Variants in FSTL5 observed in about 807,000 individuals in gnomAD.
FSTL5 encodes the protein follistatin like 5, also known as follistatin-related protein 5.
A neutral mutation model predicts 89.1 loss-of-function variants in FSTL5; 62 were observed. That is an observed-to-expected ratio of 0.70 (90% CI 0.57 to 0.86). The LOEUF (loss-of-function observed/expected upper bound fraction) is 0.86. Among genes scored for constraint, FSTL5 ranks in the 40% least tolerant of loss-of-function variants. The pLI, the probability that FSTL5 is intolerant of heterozygous loss-of-function variation, is 0.00. For synonymous variants in FSTL5, 383 were observed against 346.2 expected, an observed-to-expected ratio of 1.11 and a Z score of -1.18; for missense variants, 1,057 against 1,001.6, an observed-to-expected ratio of 1.06 and a Z score of -0.75.
At chr4:161,960,883 G>C (rs1017016189) in intron 3 of FSTL5, among the ~76,000 whole-genome samples, 4 of 151,922 alleles carry the variant, frequency 2.6e-5, no homozygotes, top group African/African-American at 9.7e-5. Flanking sequence ...GGATTTAGAA[G>C]AGTCAAGAGC....
chr4:161,724,999 A>G (rs1407436968), intron 6 of FSTL5, among the ~76,000 whole-genome samples: 3 of 152,176 alleles, frequency 2.0e-5, no homozygotes, highest in African/African-American at 7.2e-5. Context: ...GATCGAGGCC[A>G]GCCTGGCCAA....
chr4:161,563,048 T>C (rs1732663042), intron 8 of FSTL5, among the ~76,000 whole-genome samples: 1 of 152,014 alleles, frequency 6.6e-6, no homozygotes, highest in Admixed American at 6.6e-5. Flanking sequence ...ATGTGTGGGC[T>C]ACAAGGTCAC....
At chr4:161,466,924 A>T (rs1255279575) in intron 13 of FSTL5, among the ~76,000 whole-genome samples, 1 of 152,070 alleles carries the variant, frequency 6.6e-6, no homozygotes, top group African/African-American at 2.4e-5. Context: ...TTTTAATAAT[A>T]ATATGTAATA....
intron 2 of FSTL5, among the ~76,000 whole-genome samples, chr4:162,092,648 C>T (rs1407038520): frequency 1.3e-5 from 2 of 151,798 alleles, no homozygotes; most frequent in Non-Finnish European, 2.9e-5. Flanking sequence ...ACAACTGGCA[C>T]GTAATTCAAA....
At chr4:161,649,751 T>C (rs1220843966) in intron 7 of FSTL5, among the ~76,000 whole-genome samples, 2 of 152,230 alleles carry the variant, frequency 1.3e-5, no homozygotes, top group Non-Finnish European at 2.9e-5. Flanking sequence ...CTCCCTGCTA[T>C]GATTTTTGTA....
At position 161,559,297 on chromosome 4, in the gene FSTL5, A is replaced by G. The variant is rs1023692032; in HGVS notation, c.1016-16604T>C. Among the ~76,000 whole-genome samples, 5 of 151,822 alleles carry G rather than the reference A, an allele frequency of 3.3e-5. No homozygotes were observed. The South Asian group carries it at 1.0e-3, about 31-fold the overall frequency. On this transcript the variant is annotated intron_variant, in intron 8 of 15. Transcript: ENST00000306100. Reference sequence around the variant, plus strand: ...AACTCTTAACTTTCTGATGACTCCTAAAATAACTGCTGTTTCCTTCTATTT... The same window carrying G: ...AACTCTTAACTTTCTGATGACTCCTGAAATAACTGCTGTTTCCTTCTATTT...
chr4:161,782,775 A>G (rs1384408452), intron 4 of FSTL5, among the ~76,000 whole-genome samples: 1 of 152,172 alleles, frequency 6.6e-6, no homozygotes, highest in Admixed American at 6.5e-5. Context: ...GTAATTGGCA[A>G]CTGTCTCCAA....
At chr4:161,698,952 TCAAAA>T (rs139045378) in intron 6 of FSTL5, among the ~76,000 whole-genome samples, 7 of 151,554 alleles carry the variant, frequency 4.6e-5, no homozygotes, top group South Asian at 2.1e-4. Context: ...AGACTCTGTC[TCAAAA>T]CAAAACAAAA....
rs145619491 is a variant in FSTL5, at chr4:161,430,204, GA to G, written c.1841+24799del. On this transcript the variant is annotated intron_variant, in intron 15 of 15. Coordinates refer to ENST00000306100, the MANE Select transcript of FSTL5 (RefSeq NM_020116.5). ...TTGAAAATACACAGAGGAGCAAAAA[GA>G]AAAAAAAATGAAAAGAATGAAGCAC... is the stretch of plus-strand genomic sequence containing the variant. Among the ~76,000 whole-genome samples the G allele has an allele frequency of 6.1e-5, 9 of 147,934 alleles. No homozygotes were observed. In the East Asian group the frequency reaches 8.0e-4, roughly 13 times the overall value.
chr4:162,045,698 T>G (rs1738144889), intron 2 of FSTL5, among the ~76,000 whole-genome samples: 1 of 152,100 alleles, frequency 6.6e-6, no homozygotes, highest in South Asian at 2.1e-4. Flanking sequence ...AACCTTCCAT[T>G]TATAAAAAAT....
At chr4:161,603,411 C>G (rs1328626776) in intron 7 of FSTL5, among the ~76,000 whole-genome samples, 1 of 152,116 alleles carries the variant, frequency 6.6e-6, no homozygotes, top group Non-Finnish European at 1.5e-5. Context: ...AGAGTTCTCT[C>G]TTTCTCTATT....
intron 6 of FSTL5, among the ~76,000 whole-genome samples, chr4:161,701,503 A>C (rs1383412110): frequency 6.6e-6 from 1 of 152,074 alleles, no homozygotes; most frequent in Non-Finnish European, 1.5e-5. Context: ...AACTATCTTA[A>C]TATCTGGTTA....
At chr4:161,860,421 AC>A (rs1731874335) in intron 4 of FSTL5, among the ~76,000 whole-genome samples, 1 of 152,242 alleles carries the variant, frequency 6.6e-6, no homozygotes, top group South Asian at 2.1e-4. Context: ...GTTGGGTGTT[AC>A]AACAAAAGCA....
intron 2 of FSTL5, among the ~76,000 whole-genome samples, chr4:162,084,511 T>G (rs1730230091): frequency 6.6e-6 from 1 of 152,064 alleles, no homozygotes; most frequent in Admixed American, 6.6e-5. Flanking sequence ...TAGTAAAGAT[T>G]TGGAACCAAC....
chr4:161,698,057 G>A (rs1227545498), intron 6 of FSTL5, among the ~76,000 whole-genome samples: 1 of 151,942 alleles, frequency 6.6e-6, no homozygotes, highest in African/African-American at 2.4e-5. Flanking sequence ...GAGGCCTTTG[G>A]TAAGTGATTA....
At chr4:161,938,789 G>A (rs1245632718) in intron 3 of FSTL5, among the ~76,000 whole-genome samples, 1 of 151,896 alleles carries the variant, frequency 6.6e-6, no homozygotes, top group East Asian at 1.9e-4. Flanking sequence ...TTTATTAGCT[G>A]TATTCTTATG....
chr4:162,038,187 G>A (rs1053891261), intron 2 of FSTL5, among the ~76,000 whole-genome samples: 6 of 151,808 alleles, frequency 4.0e-5, no homozygotes, highest in African/African-American at 1.4e-4. Context: ...CTTAAAATAA[G>A]AAATATATTT....
chr4:161,863,740 T>C (rs958255691), intron 4 of FSTL5, among the ~76,000 whole-genome samples: 1 of 152,192 alleles, frequency 6.6e-6, no homozygotes, highest in East Asian at 1.9e-4. Context: ...CAATTCTACC[T>C]AACTTTCCCT....
intron 7 of FSTL5, among the ~76,000 whole-genome samples, chr4:161,655,447 G>A (rs1217322846): frequency 3.3e-5 from 5 of 152,114 alleles, no homozygotes; most frequent in African/African-American, 4.8e-5. Context: ...TGTACTTACT[G>A]TAATTATTTC....
Sources: allele counts gnomAD v4.1 joint callset (sites outside exome capture counted in the v4.1 genomes callset), GRCh38; gene constraint gnomAD v4.1.1; transcripts MANE v1.5; gene names NCBI Gene and HGNC (gene_info 2026-07-23, HGNC 2026-07-21).